The following ARHGAP42 variants were observed in gnomAD, a reference collection of about 807,000 sequenced individuals.
ARHGAP42 encodes the protein rho GTPase-activating protein 42.
Under a neutral mutation model 125.0 loss-of-function variants are expected in ARHGAP42, and 63 were observed. The ratio of observed to expected loss-of-function variants is 0.50; its 90% CI spans 0.41 to 0.62. The LOEUF (loss-of-function observed/expected upper bound fraction) is 0.62, where lower values mean the gene tolerates loss of function less well. ARHGAP42 is among the 20% of genes least tolerant of loss of function. The pLI is 0.00. For synonymous variants in ARHGAP42, 339 were observed against 351.0 expected (o/e 0.97, Z 0.38); for missense variants, 766 against 1,024.2 (o/e 0.75, Z 3.44).
chr11:100,908,372 A>G lies in ARHGAP42; in HGVS notation c.385-5080A>G, dbSNP rs7108864. On this transcript the variant is annotated intron_variant, in intron 4 of 23. Coordinates refer to ENST00000298815, the MANE Select transcript of ARHGAP42 (RefSeq NM_152432.4). ...ACCTGAATAGTGTTCATTGTACCCA[A>G]CAGGTAATGTTTCATCCTTCACCTG... Among the ~76,000 whole-genome samples the G allele has an allele frequency of 7.7e-3, 1,174 of 152,246 alleles. 18 individuals are homozygous for G. Among genetic ancestry groups the G allele is most frequent in the African/African-American group, 0.026 (1,093 of 41,558 alleles).
At chr11:100,923,212 G>C (rs61890835) in intron 6 of ARHGAP42, among the ~76,000 whole-genome samples, 1 of 151,988 alleles carries the variant, frequency 6.6e-6, no homozygotes, top group Non-Finnish European at 1.5e-5. Flanking sequence ...TTGAAGCCTC[G>C]CTTCTTGCTA....
intron 3 of ARHGAP42, among the ~76,000 whole-genome samples, chr11:100,850,528 T>G (rs1251066748): frequency 6.6e-6 from 1 of 152,190 alleles, no homozygotes; most frequent in Non-Finnish European, 1.5e-5. Context: ...TATACCGTGT[T>G]GTGGTCATAA....
chr11:100,914,882 T>C (rs1383902767), intron 5 of ARHGAP42, among the ~76,000 whole-genome samples: 1 of 152,188 alleles, frequency 6.6e-6, no homozygotes, highest in Non-Finnish European at 1.5e-5. Flanking sequence ...ACAAAGTTCC[T>C]ACAGCCTCAA....
intron 3 of ARHGAP42, among the ~76,000 whole-genome samples, chr11:100,817,075 TC>T (rs1864283130): frequency 6.6e-6 from 1 of 152,176 alleles, no homozygotes; most frequent in African/African-American, 2.4e-5. Flanking sequence ...AGACTGACAC[TC>T]CGGAATACAA....
At chr11:100,930,217 C>T (rs1178884878) in intron 6 of ARHGAP42, among the ~76,000 whole-genome samples, 1 of 152,186 alleles carries the variant, frequency 6.6e-6, no homozygotes, top group Non-Finnish European at 1.5e-5. Context: ...GCCATTCAGG[C>T]AGATTCACCA....
intron 7 of ARHGAP42, 60 bp from the exon 8 acceptor site, chr11:100,936,143 G>C: frequency 6.5e-7 from 1 of 1,533,382 alleles, no homozygotes; most frequent in South Asian, 1.2e-5. Context: ...ATATTAGTCT[G>C]GATGTTGCTG....
At chr11:100,720,846 A>G (rs558216726) in intron 1 of ARHGAP42, among the ~76,000 whole-genome samples, 1 of 152,212 alleles carries the variant, frequency 6.6e-6, no homozygotes, top group Non-Finnish European at 1.5e-5. Flanking sequence ...CTCAAAAATG[A>G]ATATTAAAAA....
In ARHGAP42 at chr11:100,772,922, C is replaced by T. The variant is rs531406672; in HGVS notation, c.250+2484C>T. On this transcript the variant is annotated intron_variant, in intron 2 of 23. Transcript: ENST00000298815. ...CATGATCTCGGCTCACTGCAACCTC[C>T]GCCTCCTGGGTTTGAGTGATTCTCA... is the stretch of plus-strand genomic sequence containing the variant. Among the ~76,000 whole-genome samples the T allele has an allele frequency of 2.6e-5, 4 of 152,262 alleles. No individual in the cohort carries two copies. In the East Asian group the frequency reaches 5.8e-4, roughly 22 times the overall value.
chr11:100,768,093 G>A (rs751790605), intron 1 of ARHGAP42, among the ~76,000 whole-genome samples: 16 of 152,054 alleles, frequency 1.1e-4, no homozygotes, highest in South Asian at 2.1e-4. Context: ...AAGTCCTGGC[G>A]TTATGTCTAG....
intron 8 of ARHGAP42, among the ~76,000 whole-genome samples, chr11:100,937,712 T>C (rs1288921570): frequency 6.6e-6 from 1 of 152,222 alleles, no homozygotes. Context: ...CTTGCTGAAA[T>C]CTTTGTGGGC....
At chr11:100,775,355 C>T (rs773379447) in intron 2 of ARHGAP42, among the ~76,000 whole-genome samples, 2 of 151,530 alleles carry the variant, frequency 1.3e-5, no homozygotes, top group South Asian at 2.1e-4. Context: ...CAAGCTTCCT[C>T]TCATATATAT....
intron 4 of ARHGAP42, among the ~76,000 whole-genome samples, chr11:100,873,805 A>G (rs1044170224): frequency 3.9e-5 from 6 of 152,190 alleles, no homozygotes. Context: ...GATTAGACAG[A>G]TAGTAACTAC....
intron 1 of ARHGAP42, among the ~76,000 whole-genome samples, chr11:100,721,737 G>C (rs1482045212): frequency 6.6e-6 from 1 of 152,178 alleles, no homozygotes; most frequent in Admixed American, 6.5e-5. Flanking sequence ...GCCCCTCAAA[G>C]TGCTGGAATT....
At chr11:100,689,180 T>A (rs1861143969) in intron 1 of ARHGAP42, among the ~76,000 whole-genome samples, 1 of 152,258 alleles carries the variant, frequency 6.6e-6, no homozygotes, top group South Asian at 2.1e-4. Context: ...TTTCTGAATT[T>A]GAGGCTACTA....
chr11:100,705,936 C>A (rs924662001), intron 1 of ARHGAP42, among the ~76,000 whole-genome samples: 1 of 150,402 alleles, frequency 6.6e-6, no homozygotes, highest in African/African-American at 2.4e-5. Context: ...ATGTGCCTTG[C>A]AGTGGGAGTG....
chr11:100,836,325 C>T (rs1282927317), intron 3 of ARHGAP42, among the ~76,000 whole-genome samples: 1 of 151,968 alleles, frequency 6.6e-6, no homozygotes, highest in Non-Finnish European at 1.5e-5. Flanking sequence ...GTTACTGGTT[C>T]CTGAAGGAAG....
intron 4 of ARHGAP42, among the ~76,000 whole-genome samples, chr11:100,906,207 A>G (rs1284952837): frequency 2.0e-5 from 3 of 152,294 alleles, no homozygotes; most frequent in Non-Finnish European, 2.9e-5. Flanking sequence ...TGAGCAGAGC[A>G]CACCCCTCAG....
At chr11:100,762,649 C>G (rs995007127) in intron 1 of ARHGAP42, among the ~76,000 whole-genome samples, 8 of 152,102 alleles carry the variant, frequency 5.3e-5, no homozygotes, top group Non-Finnish European at 7.4e-5. Flanking sequence ...TGTTTTAAAA[C>G]TTTGTTCAAG....
chr11:100,714,205 A>G (rs1167909489), intron 1 of ARHGAP42, among the ~76,000 whole-genome samples: 1 of 152,190 alleles, frequency 6.6e-6, no homozygotes, highest in Admixed American at 6.5e-5. Context: ...AAGACTATGA[A>G]ATGATTTGTT....
Sources: allele counts gnomAD v4.1 joint callset (sites outside exome capture counted in the v4.1 genomes callset), GRCh38; gene constraint gnomAD v4.1.1; transcripts MANE v1.5; gene names NCBI Gene and HGNC (gene_info 2026-07-23, HGNC 2026-07-21).